The following ZBTB41 variants were observed in gnomAD, a reference collection of about 807,000 sequenced individuals.
ZBTB41 encodes zinc finger and BTB domain-containing protein 41.
ZBTB41 carries 42 observed loss-of-function variants against 87.6 expected under a neutral mutation model. The ratio of observed to expected loss-of-function variants is 0.48; its 90% confidence interval spans 0.37 to 0.62. The LOEUF (loss-of-function observed/expected upper bound fraction) is 0.62, where lower values mean the gene tolerates loss of function less well. Among genes scored for constraint, ZBTB41 ranks in the 20% least tolerant of loss-of-function variants. ZBTB41 has a pLI of 0.00. For missense variants in ZBTB41, 799 were observed against 1,078.9 expected (o/e 0.74, Z 3.63); for synonymous variants, 364 against 364.0 (o/e 1.00, Z 0.00).
intron 3 of ZBTB41, 85 bp downstream of exon 3, chr1:197,191,607 A>G: frequency 9.4e-7 from 1 of 1,060,936 alleles, no homozygotes. Flanking sequence ...ATTGGAGATA[A>G]GCACTTTATA....
chr1:197,170,628 T>C (rs1659456558), intron 10 of ZBTB41, among the ~76,000 whole-genome samples: 1 of 152,150 alleles, frequency 6.6e-6, no homozygotes, highest in Admixed American at 6.6e-5. Flanking sequence ...GGGAACATGG[T>C]GACCATTTCT....
chr1:197,181,487 T>G (rs934147172), intron 5 of ZBTB41, among the ~76,000 whole-genome samples: 3 of 152,128 alleles, frequency 2.0e-5, no homozygotes, highest in African/African-American at 2.4e-5. Flanking sequence ...GTTTATAGTT[T>G]GGAAATATTT....
intron 2 of ZBTB41, among the ~76,000 whole-genome samples, chr1:197,197,814 G>A (rs1264981254): frequency 6.6e-6 from 1 of 152,152 alleles, no homozygotes; most frequent in East Asian, 1.9e-4. Context: ...AACCGATTGT[G>A]AATTACGTAG....
At chr1:197,166,553 A>G (rs1659348173) in intron 10 of ZBTB41, among the ~76,000 whole-genome samples, 1 of 152,112 alleles carries the variant, frequency 6.6e-6, no homozygotes, top group Admixed American at 6.5e-5. Context: ...CACTTAAAAA[A>G]TCTTTAATTA....
chr1:197,175,659 C>G (rs1007384797), intron 8 of ZBTB41, among the ~76,000 whole-genome samples: 4 of 151,288 alleles, frequency 2.6e-5, no homozygotes, highest in African/African-American at 9.7e-5. Flanking sequence ...TCTATTCTTA[C>G]ATTTACTTAC....
At chr1:197,171,141 T>C (rs1659466222) in intron 10 of ZBTB41, among the ~76,000 whole-genome samples, 1 of 152,156 alleles carries the variant, frequency 6.6e-6, no homozygotes, top group Admixed American at 6.6e-5. Context: ...AAATTAACTT[T>C]CTGTAAGTTC....
At position 197,154,514 on chromosome 1, in the gene ZBTB41, C is replaced by T. The variant is rs560401687; in HGVS notation, c.*4845G>A. 1.3e-5 allele frequency: 2 copies of T among 152,202 alleles called. No homozygotes were observed. The highest frequency in any genetic ancestry group is 4.1e-4 in the South Asian group (2 of 4,824). The allele number at this position is 152,202 out of a possible 1,614,324, so 9.4% of individuals were successfully genotyped here. A position where few individuals can be genotyped will look rare whatever the true frequency, so the allele number is the denominator to read the frequency against. ...AAACAAAACATAAGCACTCTCTCTA[C>T]AAAAACCTTCTTTTTCTCATCTTCC... On this transcript the variant is annotated 3_prime_UTR_variant, in exon 11 of 11. Transcript: ENST00000367405.
chr1:197,161,851 T>A (rs1304009253), intron 10 of ZBTB41, among the ~76,000 whole-genome samples: 1 of 151,902 alleles, frequency 6.6e-6, no homozygotes, highest in African/African-American at 2.4e-5. Context: ...TATAATTTTT[T>A]TAAAAAAAAT....
chr1:197,160,703 T>G (rs1360030386), intron 10 of ZBTB41, among the ~76,000 whole-genome samples: 1 of 152,142 alleles, frequency 6.6e-6, no homozygotes, highest in Non-Finnish European at 1.5e-5. Context: ...GTAGGCAGAA[T>G]GATGGCCTAT....
chr1:197,176,982 T>C (rs1350934513), intron 7 of ZBTB41, among the ~76,000 whole-genome samples: 1 of 152,160 alleles, frequency 6.6e-6, no homozygotes, highest in Non-Finnish European at 1.5e-5. Context: ...CTAAGGTTAT[T>C]ATCTAGCTGA....
At chr1:197,187,883 T>A (rs1251265380) in intron 5 of ZBTB41, among the ~76,000 whole-genome samples, 1 of 152,176 alleles carries the variant, frequency 6.6e-6, no homozygotes, top group Non-Finnish European at 1.5e-5. Flanking sequence ...GGGAGACAGA[T>A]GGAGAAGCAC....
chr1:197,167,852 A>G (rs1441682645), intron 10 of ZBTB41, among the ~76,000 whole-genome samples: 2 of 152,170 alleles, frequency 1.3e-5, no homozygotes, highest in African/African-American at 4.8e-5. Flanking sequence ...TCTACTCTCA[A>G]TGTTTCTACT....
intron 9 of ZBTB41, 122 bp downstream of exon 9, chr1:197,174,888 G>T (rs954101306): frequency 1.9e-5 from 12 of 634,548 alleles, no homozygotes; most frequent in African/African-American, 3.8e-5. Flanking sequence ...AGATGCTACA[G>T]AATGTAGAGA....
Position 197,165,946 on chromosome 1 carries a change from C to T in ZBTB41, c.2075-5932G>A, listed in dbSNP as rs529657464. On this transcript the variant is annotated intron_variant, in intron 10 of 10. Transcript: ENST00000367405. ...GACAGTGGGTGCAGCCCATGGGGGG[C>T]GAGCAGAACCAGGGTGGGGCGTTGC... Among the ~76,000 whole-genome samples, 111 of 151,746 alleles carry T rather than the reference C, an allele frequency of 7.3e-4. 1 individual carries two copies. In the South Asian group the frequency reaches 0.022, roughly 30 times the overall value.
chr1:197,170,777 C>T (rs1659460562), intron 10 of ZBTB41, among the ~76,000 whole-genome samples: 1 of 152,160 alleles, frequency 6.6e-6, no homozygotes, highest in African/African-American at 2.4e-5. Context: ...CACATCACAA[C>T]AGCAGAGCTG....
chr1:197,168,587 C>T (rs1659403334), intron 10 of ZBTB41, among the ~76,000 whole-genome samples: 1 of 152,018 alleles, frequency 6.6e-6, no homozygotes, highest in Non-Finnish European at 1.5e-5. Context: ...AGAACTTTCA[C>T]CTTTACCTAA....
intron 6 of ZBTB41, among the ~76,000 whole-genome samples, chr1:197,179,212 A>G (rs1266062293): frequency 6.6e-6 from 1 of 152,164 alleles, no homozygotes; most frequent in South Asian, 2.1e-4. Flanking sequence ...GCTTTTAGCT[A>G]TCACTACTAC....
Position 197,158,252 on chromosome 1 carries a change from A to G in ZBTB41, c.*1107T>C, listed in dbSNP as rs1659117430. ...AAATTAAAGGTTAATTACAGACATT[A>G]GGCTTTTGTGAAGGCAAAATTAAAG... On this transcript the variant is annotated 3_prime_UTR_variant, in exon 11 of 11. Transcript: ENST00000367405. 1 of 152,414 alleles carries G rather than the reference A, an allele frequency of 6.6e-6. No homozygotes were observed. 9.4% of individuals were successfully genotyped at this position (152,414 alleles called of 1,614,324 possible).
Position 197,199,553 on chromosome 1 carries a change from A to G in ZBTB41, c.921T>C (p.Asp307=). The G allele has an allele frequency of 6.2e-7, 1 of 1,607,888 alleles. No homozygotes were observed. The highest frequency in any genetic ancestry group is 8.5e-7 in the Non-Finnish European group (1 of 1,178,182). ...DPGSEYNAEE[D]ELEEEMSDEY... Reference sequence around the variant, plus strand: ...CATCTGACATCTCCTCCTCTAGCTCATCTTCTTCAGCATTATATTCACTTC... The same window carrying G: ...CATCTGACATCTCCTCCTCTAGCTCGTCTTCTTCAGCATTATATTCACTTC... Residue 307 remains aspartate (D), a synonymous_variant, in exon 2 of 11, where the codon GAT becomes GAC. Transcript: ENST00000367405.
Sources: gnomAD v4.1 joint callset for allele counts (sites outside exome capture counted in the v4.1 genomes callset) on GRCh38, gnomAD v4.1.1 for gene constraint, MANE v1.5 for transcripts, NCBI Gene and HGNC (gene_info 2026-07-23, HGNC 2026-07-21) for gene names.